Variants in GET4 observed in about 807,000 individuals in gnomAD.
The protein encoded by GET4 is guided entry of tail-anchored proteins factor 4, also known as Golgi to ER traffic protein 4 homolog.
GET4 carries 20 observed loss-of-function variants against 40.0 expected under a neutral mutation model. The ratio of observed to expected loss-of-function variants is 0.50; its 90% CI spans 0.35 to 0.73. The LOEUF (loss-of-function observed/expected upper bound fraction) is 0.73, where lower values mean the gene tolerates loss of function less well. GET4 is among the 30% of genes least tolerant of loss of function. The probability of loss-of-function intolerance (pLI) is 0.01; values close to 1 mark genes in which losing one functional copy is unlikely to be tolerated. For synonymous variants in GET4, 280 were observed against 194.6 expected (o/e 1.44, Z -3.65); for missense variants, 557 against 454.0 (o/e 1.23, Z -2.06).
At chr7:893,681 G>A (rs1844396538) in intron 6 of GET4, 59 bp from the exon 7 acceptor site, 3 of 1,144,176 alleles carry the variant, frequency 2.6e-6, no homozygotes, top group East Asian at 2.4e-5. Context: ...GGTGGTTTGT[G>A]CAGGTGAGTG....
intron 1 of GET4, among the ~76,000 whole-genome samples, chr7:878,984 CCGA>C (rs1197369923): frequency 6.7e-6 from 1 of 149,698 alleles, no homozygotes; most frequent in African/African-American, 2.4e-5. Context: ...ACACCCCCCC[CCGA>C]GTAGAGTCCC....
chr7:896,261 T>G lies in GET4; in HGVS notation c.*839T>G, dbSNP rs1844491955. On this transcript the variant is annotated 3_prime_UTR_variant, in exon 9 of 9. Coordinates refer to ENST00000265857, the MANE Select transcript of GET4 (RefSeq NM_015949.3). ...TTCTGTCAGATGCTACTCCAAATGT[T>G]ACCAGAACGATGACAAAAGGGGAGA... is the stretch of plus-strand genomic sequence containing the variant. 1 of 152,220 alleles carries G rather than the reference T, an allele frequency of 6.6e-6. No individual in the cohort carries two copies. The highest frequency in any genetic ancestry group is 1.5e-5 in the Non-Finnish European group (1 of 68,038). 9.4% of individuals were successfully genotyped at this position (152,220 alleles called of 1,614,324 possible). A position where few individuals can be genotyped will look rare whatever the true frequency, so the allele number is the denominator to read the frequency against.
chr7:877,695 A>G (rs1439553351), intron 1 of GET4, among the ~76,000 whole-genome samples: 2 of 80,620 alleles, frequency 2.5e-5, no homozygotes, highest in African/African-American at 5.5e-5. Context: ...CCTGTCCCAG[A>G]TCTCCCTGCC....
At chr7:889,351 C>CCT (rs1844263353) in intron 4 of GET4, among the ~76,000 whole-genome samples, 2 of 152,378 alleles carry the variant, frequency 1.3e-5, no homozygotes, top group African/African-American at 4.8e-5. Flanking sequence ...CCATACGGGA[C>CCT]CTGAGGCCTG....
In GET4 at chr7:892,289, T is replaced by TA; in HGVS notation, c.623dup (p.Asn208LysfsTer4). The TA allele has an allele frequency of 6.3e-7, 1 of 1,588,044 alleles. No homozygotes were observed. The highest frequency in any genetic ancestry group is 8.6e-7 in the Non-Finnish European group (1 of 1,158,010). On this transcript the variant is annotated frameshift_variant, in exon 6 of 9. Coordinates refer to ENST00000265857, the MANE Select transcript of GET4 (RefSeq NM_015949.3). LOFTEE classifies it high-confidence loss of function. ...GTTCTCATTTCCAGGTTTCTCTGTTTAAAAAACAAAAGTAGCGCATCGGTG... is the reference window on the plus strand; with the variant it reads ...GTTCTCATTTCCAGGTTTCTCTGTTTAAAAAAACAAAAGTAGCGCATCGGTG...
At chr7:888,829 C>G (rs918682060) in intron 4 of GET4, among the ~76,000 whole-genome samples, 1 of 152,268 alleles carries the variant, frequency 6.6e-6, no homozygotes, top group Non-Finnish European at 1.5e-5. Flanking sequence ...CGAACTGCCA[C>G]TCTGCGTGGG....
Position 895,688 on chromosome 7 carries a change from G to A in GET4, c.*266G>A, listed in dbSNP as rs571706137. 25 of 289,164 alleles carry A rather than the reference G, an allele frequency of 8.6e-5. No individual in the cohort carries two copies. Among genetic ancestry groups the A allele is most frequent in the Non-Finnish European group, 1.4e-4 (22 of 153,938 alleles). The allele number at this position is 289,164 out of a possible 1,614,324, so 17.9% of individuals were successfully genotyped here. ...CACAATAAAGCACAGGCCTTACCGC[G>A]GCGTCACCCTCTCCCACTCCTTTGT... is the stretch of plus-strand genomic sequence containing the variant. On this transcript the variant is annotated 3_prime_UTR_variant, in exon 9 of 9. Transcript: ENST00000265857.
intron 1 of GET4, chr7:885,182 G>A (rs112422755): frequency 4.6e-4 from 70 of 152,232 alleles, no homozygotes; most frequent in African/African-American, 1.5e-3. Flanking sequence ...TGATTAACTC[G>A]TTATGTATCT....
chr7:895,482 C>A lies in GET4; in HGVS notation c.*60C>A. The A allele has an allele frequency of 1.1e-6, 1 of 898,008 alleles. No homozygotes were observed. Among genetic ancestry groups the A allele is most frequent in the East Asian group, 2.6e-5 (1 of 38,936 alleles). The allele number at this position is 898,008 out of a possible 1,614,324, so 55.6% of individuals were successfully genotyped here. A position where few individuals can be genotyped will look rare whatever the true frequency, so the allele number is the denominator to read the frequency against. On this transcript the variant is annotated 3_prime_UTR_variant, in exon 9 of 9. Coordinates refer to ENST00000265857, the MANE Select transcript of GET4 (RefSeq NM_015949.3). ...GACGGCTGGAGGGACGTTTCAGAGG[C>A]GAGTCCTGGGTGGCTCCTCGCCTTG... is the stretch of plus-strand genomic sequence containing the variant.
intron 1 of GET4, 124 bp from the exon 2 acceptor site, chr7:885,932 C>G: frequency 1.4e-6 from 1 of 697,136 alleles, no homozygotes; most frequent in Non-Finnish European, 2.6e-6. Flanking sequence ...GCCCTGGGAG[C>G]GGCTGCTTTT....
intron 4 of GET4, among the ~76,000 whole-genome samples, chr7:890,553 G>C (rs948755399): frequency 1.3e-5 from 2 of 152,060 alleles, no homozygotes; most frequent in Non-Finnish European, 2.9e-5. Flanking sequence ...ATCTACATCC[G>C]AGGTGCACTG....
At chr7:878,144 G>T in intron 1 of GET4, 2 of 399,042 alleles carry the variant, frequency 5.0e-6, no homozygotes, top group South Asian at 3.6e-5. Flanking sequence ...ACACCTGCAC[G>T]GCCGGTGTAG....
At chr7:880,112 C>A (rs1244304591) in intron 1 of GET4, 1 of 152,242 alleles carries the variant, frequency 6.6e-6, no homozygotes, top group South Asian at 2.1e-4. Flanking sequence ...GAGGCCGAGG[C>A]GGGCAGATCA....
intron 8 of GET4, among the ~76,000 whole-genome samples, 199 bp downstream of exon 8, chr7:894,170 G>A (rs569809479): frequency 3.0e-4 from 45 of 152,302 alleles, no homozygotes; most frequent in African/African-American, 9.1e-4. Flanking sequence ...TCGCAGCCCC[G>A]TCTCCACTCC....
rs1382734223 is a variant in GET4 at position 889,655 on chromosome 7, TGAGCGGGTGTTAGGACGGGGTCTGGGGC to T, written c.467-1253_467-1226del. Among the ~76,000 whole-genome samples the T allele has an allele frequency of 7.8e-3, 1,018 of 129,810 alleles. 6 individuals are homozygous for T. The highest frequency in any genetic ancestry group is 0.014 in the Non-Finnish European group (809 of 58,578). The allele number at this position is 129,810 out of a possible 152,430, so 85.2% of individuals were successfully genotyped here. Reference sequence around the variant, plus strand: ...ATGGGGCCTGGGAGTGGAGGGAGTGTGAGCGGGTGTTAGGACGGGGTCTGGGGCGAGCGGGTGTTAGGACGGGCCTGGG... The same window carrying T: ...ATGGGGCCTGGGAGTGGAGGGAGTGTGAGCGGGTGTTAGGACGGGCCTGGG... On this transcript the variant is annotated intron_variant, in intron 4 of 8. Coordinates refer to ENST00000265857, the MANE Select transcript of GET4 (RefSeq NM_015949.3).
At chr7:887,293 C>G (rs767459162) in intron 3 of GET4, 77 bp from the exon 4 acceptor site, 3 of 1,428,142 alleles carry the variant, frequency 2.1e-6, no homozygotes, top group Non-Finnish European at 2.9e-6. Flanking sequence ...GAATGGAAAT[C>G]CACTTCTGTG....
At chr7:889,737 ACGGGG>A (rs1844275322) in intron 4 of GET4, among the ~76,000 whole-genome samples, 1 of 122,352 alleles carries the variant, frequency 8.2e-6, no homozygotes, top group Non-Finnish European at 1.7e-5. Context: ...GGGTGTTAGG[ACGGGG>A]TCTGGGAGTG....
At chr7:882,807 T>A (rs1174925906) in intron 1 of GET4, 3 of 152,360 alleles carry the variant, frequency 2.0e-5, no homozygotes, top group Non-Finnish European at 4.4e-5. Flanking sequence ...ATCCAGGTCT[T>A]GAGGAGCCTC....
Position 890,979 on chromosome 7 carries a change from A to G in GET4, c.518A>G (p.Glu173Gly). Reference protein sequence around the residue: ...RYHFLHSADGEGCANMLVEYS... With the variant: ...RYHFLHSADGGGCANMLVEYS... Reference sequence around the variant, plus strand: ...CATTTTCTGCACTCAGCGGACGGGGAGGGCTGTGCCAACATGCTGGTGGAG... The same window carrying G: ...CATTTTCTGCACTCAGCGGACGGGGGGGGCTGTGCCAACATGCTGGTGGAG... The change falls in exon 5 of 9, where the codon GAG becomes GGG. Residue 173 changes from glutamate to glycine, a missense_variant. Physicochemically the swap from Glu to Gly is moderately conservative, Grantham distance 98. Coordinates refer to ENST00000265857, the MANE Select transcript of GET4 (RefSeq NM_015949.3). The G allele has an allele frequency of 6.2e-7, 1 of 1,609,020 alleles. No individual in the cohort carries two copies. The highest frequency in any genetic ancestry group is 8.5e-7 in the Non-Finnish European group (1 of 1,175,696).
Sources: allele counts gnomAD v4.1 joint callset (sites outside exome capture counted in the v4.1 genomes callset), GRCh38; gene constraint gnomAD v4.1.1; transcripts MANE v1.5; gene names NCBI Gene and HGNC (gene_info 2026-07-23, HGNC 2026-07-21).